Variants in GPBP1 observed in about 807,000 individuals in gnomAD.
GPBP1 encodes vasculin.
GPBP1 carries 13 observed loss-of-function variants against 56.5 expected under a neutral mutation model. The ratio of observed to expected loss-of-function variants is 0.23; its 90% CI spans 0.15 to 0.37. The LOEUF is 0.37. GPBP1 is among the 10% of genes least tolerant of loss of function. The probability of loss-of-function intolerance (pLI) is 1.00; values close to 1 mark genes in which losing one functional copy is unlikely to be tolerated. For missense variants in GPBP1, 477 were observed against 572.3 expected, an observed-to-expected ratio of 0.83 and a Z score of 1.70; for synonymous variants, 204 against 188.9, an observed-to-expected ratio of 1.08 and a Z score of -0.66.
At chr5:57,227,841 G>T (rs947212785) in intron 3 of GPBP1, among the ~76,000 whole-genome samples, 2 of 152,140 alleles carry the variant, frequency 1.3e-5, no homozygotes, top group Admixed American at 6.5e-5. Context: ...CCAGACTCTT[G>T]AAAGACTCTG....
chr5:57,199,752 A>G (rs549900366), intron 2 of GPBP1, among the ~76,000 whole-genome samples: 6 of 152,104 alleles, frequency 3.9e-5, no homozygotes, highest in African/African-American at 1.4e-4. Context: ...TAAAACTTCT[A>G]AATACTTCCC....
At chr5:57,249,241 CA>C (rs1741245315) in intron 8 of GPBP1, 167 bp from the exon 9 acceptor site, 3 of 478,366 alleles carry the variant, frequency 6.3e-6, no homozygotes, top group Non-Finnish European at 1.1e-5. Flanking sequence ...TTTGTTGACT[CA>C]TTCAGTAGGG....
intron 3 of GPBP1, among the ~76,000 whole-genome samples, chr5:57,218,116 A>G (rs1282868884): frequency 6.6e-6 from 1 of 152,176 alleles, no homozygotes; most frequent in Non-Finnish European, 1.5e-5. Flanking sequence ...TCAACACAGA[A>G]CACTTCTATA....
chr5:57,218,115 A>C (rs1051282939), intron 3 of GPBP1, among the ~76,000 whole-genome samples: 2 of 152,166 alleles, frequency 1.3e-5, no homozygotes, highest in African/African-American at 2.4e-5. Context: ...CTCAACACAG[A>C]ACACTTCTAT....
chr5:57,245,847 C>T (rs1229407733), intron 6 of GPBP1: 4 of 152,314 alleles, frequency 2.6e-5, no homozygotes, highest in African/African-American at 9.7e-5. Flanking sequence ...AATGTAATTT[C>T]TTGCTTATTG....
At chr5:57,249,598 C>T in intron 9 of GPBP1, 22 bp downstream of exon 9, 1 of 1,569,574 alleles carries the variant, frequency 6.4e-7, no homozygotes. Context: ...TATAGCAATA[C>T]TTGATTTGAC....
chr5:57,251,796 C>T (rs1448229515), intron 10 of GPBP1, among the ~76,000 whole-genome samples: 1 of 152,028 alleles, frequency 6.6e-6, no homozygotes, highest in African/African-American at 2.4e-5. Flanking sequence ...CATTTTACTT[C>T]CTTATCAGCA....
chr5:57,241,731 T>C (rs1055917938), intron 6 of GPBP1, among the ~76,000 whole-genome samples: 3 of 152,220 alleles, frequency 2.0e-5, no homozygotes, highest in Non-Finnish European at 4.4e-5. Flanking sequence ...ATGAAACTTA[T>C]AGAAGATAGT....
At chr5:57,229,952 C>CGTCCCGTCCCGTCCT (rs1756374286) in intron 3 of GPBP1, among the ~76,000 whole-genome samples, 1 of 149,632 alleles carries the variant, frequency 6.7e-6, no homozygotes, top group Non-Finnish European at 1.5e-5. Context: ...CGTCCCGTCC[C>CGTCCCGTCCCGTCCT]GTCCCGTCCC....
rs145950760 is a variant in GPBP1 at position 57,212,814 on chromosome 5, C to G, written c.-57-1260C>G. 5.0e-3 allele frequency among the ~76,000 whole-genome samples: 760 copies of G among 151,062 alleles called. 6 individuals carry two copies. The highest frequency in any genetic ancestry group is 0.017 in the African/African-American group (683 of 41,104). On this transcript the variant is annotated intron_variant, in intron 2 of 11. Transcript: ENST00000506184. Reference sequence around the variant, plus strand: ...CCTCCTGAGTAGCTGGGATTACAGGCGCACACCACCACACCTAGCTAATTT... The same window carrying G: ...CCTCCTGAGTAGCTGGGATTACAGGGGCACACCACCACACCTAGCTAATTT...
chr5:57,223,144 T>A (rs555682157), intron 3 of GPBP1, among the ~76,000 whole-genome samples: 1 of 152,310 alleles, frequency 6.6e-6, no homozygotes, highest in East Asian at 1.9e-4. Flanking sequence ...GTCCTTAATT[T>A]TTTTTCCCTC....
chr5:57,239,745 A>C (rs1561365058), intron 6 of GPBP1, among the ~76,000 whole-genome samples: 1 of 152,188 alleles, frequency 6.6e-6, no homozygotes, highest in Non-Finnish European at 1.5e-5. Context: ...GCGCCACTGC[A>C]CTCCAGCCTG....
At chr5:57,241,226 A>G (rs1384511002) in intron 6 of GPBP1, among the ~76,000 whole-genome samples, 1 of 152,200 alleles carries the variant, frequency 6.6e-6, no homozygotes, top group Non-Finnish European at 1.5e-5. Context: ...GAAAGAGGTG[A>G]GGAATTGAAA....
chr5:57,229,958 G>GTCCCA (rs1756375518), intron 3 of GPBP1, among the ~76,000 whole-genome samples: 2 of 148,794 alleles, frequency 1.3e-5, no homozygotes, highest in South Asian at 2.1e-4. Flanking sequence ...GTCCCGTCCC[G>GTCCCA]TCCCGTCCCG....
chr5:57,221,255 A>T (rs927222837), intron 3 of GPBP1: 6 of 626,466 alleles, frequency 9.6e-6, no homozygotes, highest in African/African-American at 7.4e-5. Context: ...TTTCATTTTC[A>T]TGTATATGTA....
chr5:57,187,923 T>C (rs1323508997), intron 2 of GPBP1, among the ~76,000 whole-genome samples: 4 of 151,600 alleles, frequency 2.6e-5, no homozygotes, highest in Admixed American at 6.6e-5. Flanking sequence ...TTTGTGTATA[T>C]ATAATATATA....
At position 57,230,982 on chromosome 5, in the gene GPBP1, A is replaced by G. The variant is rs183423309; in HGVS notation, c.187+13A>G. 2.6e-3 allele frequency: 4,126 copies of G among 1,584,296 alleles called. 8 individuals are homozygous for G. The highest frequency in any genetic ancestry group is 4.2e-3 in the Middle Eastern group (25 of 5,946). On this transcript the variant is annotated intron_variant, in intron 4 of 11. Transcript: ENST00000506184. ...CGTCCTAATGGAGGTAAAATTTGCTAAGGAATGATGTTTATGGCTAATTTT... is the reference window on the plus strand; with the variant it reads ...CGTCCTAATGGAGGTAAAATTTGCTGAGGAATGATGTTTATGGCTAATTTT...
chr5:57,261,070 G>T, intron 10 of GPBP1, 110 bp from the exon 11 acceptor site: 1 of 707,866 alleles, frequency 1.4e-6, no homozygotes, highest in South Asian at 1.7e-5. Flanking sequence ...GTGTCTTGGG[G>T]TCTTTGTATA....
At chr5:57,174,232 C>G (rs1053223190) in intron 1 of GPBP1, 21 bp downstream of exon 1, 19 of 152,756 alleles carry the variant, frequency 1.2e-4, no homozygotes, top group African/African-American at 4.6e-4. Context: ...CCTCTAGGCT[C>G]CACGCCCGAG....
Sources: allele counts gnomAD v4.1 joint callset (sites outside exome capture counted in the v4.1 genomes callset), GRCh38; gene constraint gnomAD v4.1.1; transcripts MANE v1.5; gene names NCBI Gene and HGNC (gene_info 2026-07-23, HGNC 2026-07-21).